CFAP20DC: variants seen among roughly 807,000 people sequenced by gnomAD.
CFAP20DC encodes protein CFAP20DC.
Under a neutral mutation model 101.7 loss-of-function variants are expected in CFAP20DC, and 84 were observed. The observed-to-expected ratio is 0.83, with a 90% CI of 0.69 to 0.99. CFAP20DC has a LOEUF of 0.99. Among genes scored for constraint, CFAP20DC ranks in the 50% least tolerant of loss-of-function variants. The pLI is 0.00. For synonymous variants in CFAP20DC, 359 were observed against 351.2 expected (o/e 1.02, Z -0.25); for missense variants, 1,007 against 970.3 (o/e 1.04, Z -0.50).
chr3:58,902,421 AG>A (rs2083227295), intron 6 of CFAP20DC, among the ~76,000 whole-genome samples: 1 of 152,176 alleles, frequency 6.6e-6, no homozygotes, highest in Admixed American at 6.5e-5. Context: ...AGTAATGTAC[AG>A]GGGTTCCAAT....
intron 15 of CFAP20DC, among the ~76,000 whole-genome samples, chr3:58,779,995 A>G (rs111262386): frequency 0.021 from 3,162 of 152,264 alleles, 118 homozygotes; most frequent in African/African-American, 0.071. Flanking sequence ...GGGAACCCCT[A>G]TCAGACTAAC....
rs139813011 is a variant in CFAP20DC at position 58,793,152 on chromosome 3, A to C, written c.2237+13243T>G. On this transcript the variant is annotated intron_variant, in intron 15 of 16. Transcript: ENST00000482387. ...CTACCAGAGTGTTATTGTAGTTTAA[A>C]AATATCATTAAATCAGCACAAACCT... Among the ~76,000 whole-genome samples, 98 of 152,286 alleles carry C rather than the reference A, an allele frequency of 6.4e-4. 1 individual carries two copies. Among genetic ancestry groups the C allele is most frequent in the Middle Eastern group, 3.4e-3 (1 of 294 alleles).
At position 58,984,747 on chromosome 3, in the gene CFAP20DC, A is replaced by T. The variant is rs2092695701; in HGVS notation, c.279-46985T>A. On this transcript the variant is annotated intron_variant, in intron 4 of 16. Transcript: ENST00000482387. ...AAAACCAGCATGGGAATCAGACAGC[A>T]TTTGGATATAGCACCACAGGTGTGA... Among the ~76,000 whole-genome samples, 2 of 152,316 alleles carry T rather than the reference A, an allele frequency of 1.3e-5. 1 individual carries two copies. The highest frequency in any genetic ancestry group is 4.1e-4 in the South Asian group (2 of 4,830).
At chr3:58,992,951 CT>C (rs146380788) in intron 4 of CFAP20DC, among the ~76,000 whole-genome samples, 1,596 of 152,022 alleles carry the variant, frequency 0.01, 34 homozygotes, top group African/African-American at 0.037. Context: ...TAAAACACCC[CT>C]GTCCCTCAAA....
At chr3:58,979,152 C>A (rs1249000664) in intron 4 of CFAP20DC, among the ~76,000 whole-genome samples, 1 of 152,120 alleles carries the variant, frequency 6.6e-6, no homozygotes, top group Non-Finnish European at 1.5e-5. Flanking sequence ...CAAAACCTGG[C>A]CTGCAAGTGA....
chr3:58,929,695 A>C (rs1191286784), intron 5 of CFAP20DC, among the ~76,000 whole-genome samples: 7 of 152,144 alleles, frequency 4.6e-5, no homozygotes, highest in Non-Finnish European at 8.8e-5. Context: ...GTTATATTTA[A>C]TTCCCATTCT....
At chr3:58,823,124 T>A (rs1486281430) in intron 14 of CFAP20DC, among the ~76,000 whole-genome samples, 1 of 152,148 alleles carries the variant, frequency 6.6e-6, no homozygotes, top group Admixed American at 6.6e-5. Flanking sequence ...GTTCTTCATT[T>A]CCTTATAAAG....
At chr3:58,731,325 C>T (rs2067642049) in intron 3 of CFAP20DC, among the ~76,000 whole-genome samples, 2 of 152,240 alleles carry the variant, frequency 1.3e-5, no homozygotes, top group Admixed American at 6.5e-5. Context: ...GATATTTTCA[C>T]TCCTCTGAAC....
intron 4 of CFAP20DC, among the ~76,000 whole-genome samples, chr3:58,939,034 T>G (rs1471148159): frequency 6.6e-6 from 1 of 152,172 alleles, no homozygotes; most frequent in East Asian, 1.9e-4. Flanking sequence ...GGCAATGTCT[T>G]CAAAGTGGGA....
intron 15 of CFAP20DC, among the ~76,000 whole-genome samples, chr3:58,761,909 T>C (rs2069646966): frequency 6.6e-6 from 1 of 152,138 alleles, no homozygotes; most frequent in Non-Finnish European, 1.5e-5. Flanking sequence ...AGACAGTTTG[T>C]TATAATTTCT....
At chr3:58,785,767 G>A (rs2072276837) in intron 15 of CFAP20DC, among the ~76,000 whole-genome samples, 1 of 152,008 alleles carries the variant, frequency 6.6e-6, no homozygotes, top group Non-Finnish European at 1.5e-5. Context: ...TTGTTTTCGA[G>A]CCAAAGGCAA....
chr3:58,983,054 G>C (rs888104141), intron 4 of CFAP20DC, among the ~76,000 whole-genome samples: 4 of 152,074 alleles, frequency 2.6e-5, no homozygotes, highest in African/African-American at 7.2e-5. Context: ...GAGCCAAAGT[G>C]GGGGGAAAGA....
rs1647282813 is a variant in CFAP20DC, at chr3:58,912,489, C to A, written c.550+1219G>T. On this transcript the variant is annotated intron_variant, in intron 6 of 16. Coordinates refer to ENST00000482387, the MANE Select transcript of CFAP20DC (RefSeq NM_001394063.1). This position sits in a 1 kb window ranked among gnomAD's most constrained non-coding sequence, Gnocchi z 4.4. The stretch of plus-strand genomic sequence containing the variant: ...ACAGTGTCCTGTTCCACAGAGTGAG[C>A]CACATCAAGATTTCTCAGGCACACA... 4 of 310,116 alleles carry A rather than the reference C, an allele frequency of 1.3e-5. No individual in the cohort carries two copies. The highest frequency in any genetic ancestry group is 4.4e-5 in the African/African-American group (2 of 45,520). 19.2% of individuals were successfully genotyped at this position (310,116 alleles called of 1,614,324 possible). A position where few individuals can be genotyped will look rare whatever the true frequency, so the allele number is the denominator to read the frequency against.
chr3:58,981,025 A>G (rs1291448990), intron 4 of CFAP20DC, among the ~76,000 whole-genome samples: 4 of 152,210 alleles, frequency 2.6e-5, no homozygotes, highest in African/African-American at 7.2e-5. Context: ...ATACAAAATC[A>G]ATGTGCAAAA....
intron 4 of CFAP20DC, among the ~76,000 whole-genome samples, chr3:58,994,532 G>T (rs2093048909): frequency 6.6e-6 from 1 of 152,070 alleles, no homozygotes; most frequent in Non-Finnish European, 1.5e-5. Flanking sequence ...GAGAATTCAG[G>T]TCTTTAAAAC....
intron 6 of CFAP20DC, among the ~76,000 whole-genome samples, chr3:58,901,229 T>G (rs1362958083): frequency 6.6e-6 from 1 of 152,228 alleles, no homozygotes; most frequent in East Asian, 1.9e-4. Context: ...AGTGTGTTCA[T>G]TTTTTGTTCA....
In CFAP20DC at chr3:58,867,879, T is replaced by C; in HGVS notation, c.1073A>G (p.Asn358Ser). Reference protein sequence around the residue: ...HPPQEPSADKNNNRRRLRLKS... With the variant: ...HPPQEPSADKSNNRRRLRLKS... ...TAACCGTAATCTTCTTCTGTTATTATTCTTATCTGCTGATGGTTCTTGAGG... is the reference window on the plus strand; with the variant it reads ...TAACCGTAATCTTCTTCTGTTATTACTCTTATCTGCTGATGGTTCTTGAGG... The change falls in exon 10 of 17, where the codon AAT becomes AGT. Residue 358 changes from asparagine to serine, a missense_variant. Physicochemically the swap from Asn to Ser is conservative, Grantham distance 46 (BLOSUM62 1). Coordinates refer to ENST00000482387, the MANE Select transcript of CFAP20DC (RefSeq NM_001394063.1). The C allele has an allele frequency of 6.2e-7, 1 of 1,613,728 alleles. No homozygotes were observed. The highest frequency in any genetic ancestry group is 8.5e-7 in the Non-Finnish European group (1 of 1,179,712).
At chr3:58,808,254 C>A (rs1416059444) in intron 14 of CFAP20DC, among the ~76,000 whole-genome samples, 3 of 152,110 alleles carry the variant, frequency 2.0e-5, no homozygotes, top group Non-Finnish European at 4.4e-5. Context: ...CTCCAAGACA[C>A]ATAATTGTCA....
At chr3:58,739,928 C>CAAG, downstream of CFAP20DC, among the ~76,000 whole-genome samples, 1 of 152,160 alleles carries the variant, frequency 6.6e-6, no homozygotes, top group Admixed American at 6.5e-5. Flanking sequence ...TTGTGGTAGA[C>CAAG]ACCTTTAGAA....
Sources: allele counts gnomAD v4.1 joint callset (sites outside exome capture counted in the v4.1 genomes callset), GRCh38; gene constraint gnomAD v4.1.1; non-coding constraint Gnocchi (gnomAD v3.1); transcripts MANE v1.5; gene names NCBI Gene and HGNC (gene_info 2026-07-23, HGNC 2026-07-21).